The following PRELID2 variants were observed in gnomAD, a reference collection of about 807,000 sequenced individuals.
PRELID2 encodes the protein PRELI domain containing 2.
Under a neutral mutation model 28.4 loss-of-function variants are expected in PRELID2, and 25 were observed. The ratio of observed to expected loss-of-function variants is 0.88; its 90% CI spans 0.64 to 1.23. The LOEUF is 1.23. PRELID2 is among the 50% of genes most tolerant of loss of function. The pLI is 0.00. For synonymous variants in PRELID2, 76 were observed against 71.6 expected (o/e 1.06, Z -0.31); for missense variants, 201 against 214.4 (o/e 0.94, Z 0.39).
chr5:145,449,301 T>C, the PRELID2 span, among the ~76,000 whole-genome samples: 1 of 151,140 alleles, frequency 6.6e-6, no homozygotes, highest in Non-Finnish European at 1.5e-5. Flanking sequence ...AATGAGGGGG[T>C]TTTATTGAGT....
intron 1 of PRELID2, among the ~76,000 whole-genome samples, chr5:145,575,970 T>C (rs1218237063): frequency 3.3e-5 from 5 of 152,120 alleles, no homozygotes; most frequent in Non-Finnish European, 7.4e-5. Context: ...CCAACCACGT[T>C]TTACCTAAAT....
the PRELID2 span, among the ~76,000 whole-genome samples, chr5:145,269,211 G>T: frequency 6.6e-6 from 1 of 152,008 alleles, no homozygotes. Context: ...AACTATAGTA[G>T]TCCAAAGAAT....
At position 145,611,075 on chromosome 5, in the gene PRELID2, G is replaced by A. The variant is rs189821828; in HGVS notation, n.71-137760C>T. On this transcript the variant is annotated intron_variant and non_coding_transcript_variant, in intron 1 of 2. Coordinates refer to the PRELID2 transcript ENST00000510259. The stretch of plus-strand genomic sequence containing the variant: ...GAATTGTAAATGAAGAAGTAAAATC[G>A]TCATTAAAATTCTGGCAGATAATGT... Among the ~76,000 whole-genome samples the A allele has an allele frequency of 3.1e-3, 467 of 151,208 alleles. 1 individual carries two copies. The highest frequency in any genetic ancestry group is 0.011 in the African/African-American group (437 of 41,302).
the PRELID2 span, among the ~76,000 whole-genome samples, chr5:145,366,041 T>A: frequency 2.6e-5 from 4 of 152,082 alleles, no homozygotes; most frequent in South Asian, 8.3e-4. Context: ...CTGTATGATT[T>A]AGTTCACCTC....
chr5:145,666,884 C>A lies in PRELID2; in HGVS notation n.70+98047G>T, dbSNP rs570412544. 7.2e-5 allele frequency among the ~76,000 whole-genome samples: 11 copies of A among 152,046 alleles called. 1 individual carries two copies. The highest frequency in any genetic ancestry group is 2.7e-4 in the African/African-American group (11 of 41,492). On this transcript the variant is annotated intron_variant and non_coding_transcript_variant, in intron 1 of 2. Transcript: ENST00000510259. ...AGTTTTTGTGTTTATTTATAGCACA[C>A]CAATTCAGAACTGATGCAATCATTA...
At chr5:145,740,661 TAAAA>T (rs1756659532) in intron 1 of PRELID2, among the ~76,000 whole-genome samples, 1 of 97,710 alleles carries the variant, frequency 1.0e-5, no homozygotes. Context: ...TATATATAAA[TAAAA>T]TAAATATATA....
At chr5:145,661,279 C>T (rs1449062834) in intron 1 of PRELID2, among the ~76,000 whole-genome samples, 2 of 152,114 alleles carry the variant, frequency 1.3e-5, no homozygotes, top group South Asian at 2.1e-4. Flanking sequence ...CTTTTCCTTA[C>T]GTTTCAGTAA....
the PRELID2 span, among the ~76,000 whole-genome samples, chr5:145,270,950 G>A: frequency 2.0e-5 from 3 of 152,076 alleles, no homozygotes; most frequent in Non-Finnish European, 4.4e-5. Flanking sequence ...GGAGGCCTCA[G>A]GAAACTTACA....
rs1052582264 is a variant in PRELID2, at chr5:145,757,680, G to A, written c.*2856C>T. Among the ~76,000 whole-genome samples, 39 of 151,832 alleles carry A rather than the reference G, an allele frequency of 2.6e-4. No individual in the cohort carries two copies. Among genetic ancestry groups the A allele is most frequent in the African/African-American group, 9.4e-4 (39 of 41,326 alleles). On this transcript the variant is annotated 3_prime_UTR_variant, in exon 7 of 7. Coordinates refer to ENST00000683046, the MANE Select transcript of PRELID2 (RefSeq NM_205846.3). Reference sequence around the variant, plus strand: ...CAAGCCCTAATTAATTCCAAAAAGAGGACAGACACAGTGGCTCAAGCCTGT... The same window carrying A: ...CAAGCCCTAATTAATTCCAAAAAGAAGACAGACACAGTGGCTCAAGCCTGT...
At chr5:145,583,311 T>C (rs1753124184) in intron 1 of PRELID2, among the ~76,000 whole-genome samples, 1 of 152,112 alleles carries the variant, frequency 6.6e-6, no homozygotes, top group Admixed American at 6.6e-5. Flanking sequence ...AGGAGCCATA[T>C]ATAACAAACC....
intron 1 of PRELID2, among the ~76,000 whole-genome samples, chr5:145,828,764 C>T (rs1344480786): frequency 3.3e-5 from 5 of 151,794 alleles, no homozygotes; most frequent in Admixed American, 2.0e-4. Context: ...ATTAATATAT[C>T]CTCCTCTGTC....
At chr5:145,420,775 T>C in the PRELID2 span, among the ~76,000 whole-genome samples, 2 of 85,988 alleles carry the variant, frequency 2.3e-5, no homozygotes, top group African/African-American at 4.4e-5. Flanking sequence ...CTATGTTGAA[T>C]AGGAGTGGTG....
chr5:145,650,531 CATAT>C (rs56324486), intron 1 of PRELID2, among the ~76,000 whole-genome samples: 8,153 of 68,208 alleles, frequency 0.12, 318 homozygotes, highest in Middle Eastern at 0.22. Context: ...CACATATATA[CATAT>C]ATATATATAT....
intron 1 of PRELID2, among the ~76,000 whole-genome samples, chr5:145,520,785 TTC>T (rs1752557316): frequency 6.6e-6 from 1 of 152,202 alleles, no homozygotes; most frequent in South Asian, 2.1e-4. Flanking sequence ...ATTGCCTGTT[TTC>T]ATATTATCAT....
At chr5:145,600,420 G>GGAAAAA (rs1491541560) in intron 1 of PRELID2, among the ~76,000 whole-genome samples, 42 of 124,146 alleles carry the variant, frequency 3.4e-4, no homozygotes, top group African/African-American at 1.5e-3. Flanking sequence ...CTCAGGGGGG[G>GGAAAAA]AAAAAAAAAA....
chr5:145,298,880 T>C, the PRELID2 span, among the ~76,000 whole-genome samples: 2 of 152,206 alleles, frequency 1.3e-5, no homozygotes, highest in Admixed American at 6.5e-5. Flanking sequence ...TCCTTTCATA[T>C]ATTTACATTG....
At chr5:145,385,719 T>G in the PRELID2 span, among the ~76,000 whole-genome samples, 1 of 152,206 alleles carries the variant, frequency 6.6e-6, no homozygotes, top group Non-Finnish European at 1.5e-5. Context: ...TCATGGAAAT[T>G]CAGCCAATTG....
intron 5 of PRELID2, among the ~76,000 whole-genome samples, chr5:145,776,326 T>C (rs1758406883): frequency 6.6e-6 from 1 of 152,250 alleles, no homozygotes; most frequent in Non-Finnish European, 1.5e-5. Flanking sequence ...AGTATCACTG[T>C]GCCTGTGTTC....
At position 145,790,090 on chromosome 5, in the gene PRELID2, T is replaced by C. The variant is rs539272110; in HGVS notation, c.474+6352A>G. ...CCCATTATGGAAAACTATATGAAAGTTCCTCAAAAAACACAAAATAGAACT... is the reference window on the plus strand; with the variant it reads ...CCCATTATGGAAAACTATATGAAAGCTCCTCAAAAAACACAAAATAGAACT... On this transcript the variant is annotated intron_variant, in intron 5 of 6. Coordinates refer to ENST00000683046, the MANE Select transcript of PRELID2 (RefSeq NM_205846.3). Among the ~76,000 whole-genome samples, 9 of 152,262 alleles carry C rather than the reference T, an allele frequency of 5.9e-5. No homozygotes were observed. The East Asian group carries it at 1.7e-3, about 29-fold the overall frequency.
Sources: allele counts gnomAD v4.1 joint callset (sites outside exome capture counted in the v4.1 genomes callset), GRCh38; gene constraint gnomAD v4.1.1; transcripts MANE v1.5; gene names NCBI Gene and HGNC (gene_info 2026-07-23, HGNC 2026-07-21).